The following KLF12 variants were observed in gnomAD, a reference collection of about 807,000 sequenced individuals.
KLF12 encodes the protein KLF transcription factor 12, also known as Krueppel-like factor 12.
A neutral mutation model predicts 37.8 loss-of-function variants in KLF12; 9 were observed. The observed-to-expected ratio is 0.24, with a 90% CI of 0.14 to 0.42. KLF12 has a LOEUF of 0.42. Among genes scored for constraint, KLF12 ranks in the 10% least tolerant of loss-of-function variants. KLF12 has a pLI of 1.00. For missense variants in KLF12, 411 were observed against 516.0 expected (o/e 0.80, Z 1.97); for synonymous variants, 208 against 202.1 (o/e 1.03, Z -0.25).
At chr13:73,755,713 C>A (rs1164249341) in intron 6 of KLF12, among the ~76,000 whole-genome samples, 2 of 151,748 alleles carry the variant, frequency 1.3e-5, no homozygotes, top group Admixed American at 6.6e-5. Context: ...TTTTGGTGCA[C>A]CCATCACCTG....
At chr13:74,217,705 C>T in the KLF12 span, among the ~76,000 whole-genome samples, 8 of 152,128 alleles carry the variant, frequency 5.3e-5, no homozygotes, top group Non-Finnish European at 1.0e-4. Context: ...CCAGCCTGGG[C>T]GACAGAGTGA....
the KLF12 span, among the ~76,000 whole-genome samples, chr13:74,270,805 C>A: frequency 6.6e-6 from 1 of 152,142 alleles, no homozygotes. Context: ...ATGGACTATG[C>A]ACTTAATCTG....
intron 1 of KLF12, among the ~76,000 whole-genome samples, chr13:74,047,624 T>C (rs1375022040): frequency 6.7e-6 from 1 of 149,378 alleles, no homozygotes; most frequent in Non-Finnish European, 1.5e-5. Context: ...AACTTTATGA[T>C]GGAAATTTGA....
intron 6 of KLF12, among the ~76,000 whole-genome samples, chr13:73,749,038 A>G (rs1387014105): frequency 1.3e-5 from 2 of 152,158 alleles, no homozygotes; most frequent in Non-Finnish European, 2.9e-5. Flanking sequence ...CATTTCCTAT[A>G]GAGTACCTAT....
At chr13:74,302,749 CT>C in the KLF12 span, among the ~76,000 whole-genome samples, 1 of 152,076 alleles carries the variant, frequency 6.6e-6, no homozygotes, top group Non-Finnish European at 1.5e-5. Context: ...GACTGCTTGG[CT>C]TGGAGAAAGC....
chr13:73,974,667 A>G (rs1000086605), intron 2 of KLF12, among the ~76,000 whole-genome samples: 1 of 152,218 alleles, frequency 6.6e-6, no homozygotes, highest in African/African-American at 2.4e-5. Context: ...TGATCCGATT[A>G]CTTTATTAAG....
chr13:73,725,008 G>A (rs1479021210), intron 6 of KLF12, among the ~76,000 whole-genome samples: 2 of 152,034 alleles, frequency 1.3e-5, no homozygotes, highest in Admixed American at 6.5e-5. Context: ...TAGAAAACTC[G>A]GATACAATAG....
In KLF12 at chr13:74,098,919, G is replaced by C. The variant is rs115703479; in HGVS notation, c.-32+34820C>G. ...GTATTTTCAAATGCTTCCCACGCTA[G>C]TATGTTACATGTCATGGGTCTTATT... On this transcript the variant is annotated intron_variant, in intron 1 of 7. Coordinates refer to ENST00000377669, the MANE Select transcript of KLF12 (RefSeq NM_007249.5). 1.4e-3 allele frequency among the ~76,000 whole-genome samples: 212 copies of C among 152,266 alleles called. 2 individuals carry two copies. The highest frequency in any genetic ancestry group is 4.9e-3 in the African/African-American group (204 of 41,560).
chr13:73,730,759 C>T (rs1877001603), intron 6 of KLF12, among the ~76,000 whole-genome samples: 1 of 151,768 alleles, frequency 6.6e-6, no homozygotes, highest in Admixed American at 6.6e-5. Context: ...GATAAAATAG[C>T]TCACAGTTAA....
At chr13:74,058,457 G>A (rs184239185) in intron 1 of KLF12, among the ~76,000 whole-genome samples, 1,779 of 143,418 alleles carry the variant, frequency 0.012, 42 homozygotes, top group African/African-American at 0.043. Context: ...CCGGGTTCAC[G>A]CCGTTCTCCT....
chr13:74,270,125 G>A, the KLF12 span, among the ~76,000 whole-genome samples: 1 of 152,088 alleles, frequency 6.6e-6, no homozygotes, highest in Non-Finnish European at 1.5e-5. Context: ...CTTACTAGGG[G>A]GAGCCTCTAA....
At chr13:74,079,400 G>T (rs1874752636) in intron 1 of KLF12, among the ~76,000 whole-genome samples, 1 of 152,134 alleles carries the variant, frequency 6.6e-6, no homozygotes, top group Non-Finnish European at 1.5e-5. Context: ...CATATTTTAT[G>T]ACAATTAAAA....
intron 1 of KLF12, among the ~76,000 whole-genome samples, chr13:74,117,014 A>G (rs184530369): frequency 1.3e-5 from 2 of 152,098 alleles, no homozygotes; most frequent in East Asian, 3.9e-4. Context: ...TGAAAATTCC[A>G]GTCAATTAGC....
chr13:74,225,948 C>A, the KLF12 span, among the ~76,000 whole-genome samples: 1,526 of 152,156 alleles, frequency 0.01, 23 homozygotes, highest in African/African-American at 0.033. Context: ...AAAGTCAATG[C>A]GACTGAAGAT....
At chr13:74,032,785 C>A (rs991502199) in intron 1 of KLF12, among the ~76,000 whole-genome samples, 4 of 152,138 alleles carry the variant, frequency 2.6e-5, no homozygotes, top group African/African-American at 9.7e-5. Context: ...TATACTTCTT[C>A]TTTGCTGCTG....
At chr13:74,217,627 T>A in the KLF12 span, among the ~76,000 whole-genome samples, 1 of 151,940 alleles carries the variant, frequency 6.6e-6, no homozygotes, top group Non-Finnish European at 1.5e-5. Context: ...CTCAGGAGGC[T>A]GAGGCAGGAG....
intron 5 of KLF12, among the ~76,000 whole-genome samples, chr13:73,812,559 T>C (rs927391739): frequency 1.4e-5 from 2 of 146,838 alleles, no homozygotes; most frequent in Admixed American, 1.3e-4. Flanking sequence ...AAAACATGGA[T>C]TTTTTTTTTC....
chr13:73,837,605 G>A (rs1884504548), intron 4 of KLF12, among the ~76,000 whole-genome samples: 1 of 152,046 alleles, frequency 6.6e-6, no homozygotes, highest in Non-Finnish European at 1.5e-5. Flanking sequence ...TATTTAACAA[G>A]CTCCTATCTT....
chr13:73,963,073 G>T (rs985529150), intron 2 of KLF12, among the ~76,000 whole-genome samples: 4 of 152,038 alleles, frequency 2.6e-5, no homozygotes, highest in Non-Finnish European at 5.9e-5. Flanking sequence ...GGCAACATGG[G>T]CAAATATATC....
Sources: gnomAD v4.1 joint callset for allele counts (sites outside exome capture counted in the v4.1 genomes callset) on GRCh38, gnomAD v4.1.1 for gene constraint, MANE v1.5 for transcripts, NCBI Gene and HGNC (gene_info 2026-07-23, HGNC 2026-07-21) for gene names.